The following TSPAN15 variants were observed in gnomAD, a reference collection of about 807,000 sequenced individuals.
TSPAN15 encodes tetraspanin 15.
TSPAN15 carries 20 observed loss-of-function variants against 34.5 expected under a neutral mutation model. That is an observed-to-expected ratio of 0.58 (90% CI 0.41 to 0.84). The LOEUF (loss-of-function observed/expected upper bound fraction) is 0.84, where lower values mean the gene tolerates loss of function less well. Ranked by LOEUF, TSPAN15 falls within the 40% of genes least tolerant of loss-of-function variation. The pLI, the probability that TSPAN15 is intolerant of heterozygous loss-of-function variation, is 0.00. For missense variants in TSPAN15, 313 were observed against 386.1 expected (o/e 0.81, Z 1.59); for synonymous variants, 155 against 153.9 (o/e 1.01, Z -0.05).
At chr10:69,508,976 C>G (rs949970242), downstream of TSPAN15, among the ~76,000 whole-genome samples, 1 of 152,250 alleles carries the variant, frequency 6.6e-6, no homozygotes, top group African/African-American at 2.4e-5. Context: ...TGTCTTGTCC[C>G]ACTTTGACCT....
chr10:69,502,202 T>C (rs75443337), intron 5 of TSPAN15, among the ~76,000 whole-genome samples: 1,937 of 152,324 alleles, frequency 0.013, 53 homozygotes, highest in African/African-American at 0.044. Flanking sequence ...AAATGTCTTA[T>C]ATGAGCTTCC....
chr10:69,492,584 A>G (rs1841991844), intron 3 of TSPAN15, among the ~76,000 whole-genome samples: 2 of 152,192 alleles, frequency 1.3e-5, no homozygotes, highest in African/African-American at 4.8e-5. Context: ...TTACCAGATG[A>G]AAGGCCGAAT....
intron 5 of TSPAN15, among the ~76,000 whole-genome samples, chr10:69,499,764 G>T (rs1433987240): frequency 6.6e-6 from 1 of 152,220 alleles, no homozygotes. Context: ...GAGAAAGGCG[G>T]GATCTGGGTG....
the TSPAN15 span, among the ~76,000 whole-genome samples, chr10:69,530,837 TATATA>T: frequency 8.4e-5 from 9 of 107,680 alleles, no homozygotes; most frequent in African/African-American, 3.1e-4. Flanking sequence ...TATATATATA[TATATA>T]TATATATATA....
At chr10:69,451,739 C>T in intron 1 of TSPAN15, 49 bp downstream of exon 1, 3 of 1,360,100 alleles carry the variant, frequency 2.2e-6, no homozygotes, top group Non-Finnish European at 1.9e-6. Context: ...ACCCACAATC[C>T]GGCCGCCCCC....
chr10:69,472,528 G>T (rs1841528600), intron 1 of TSPAN15, among the ~76,000 whole-genome samples: 1 of 152,184 alleles, frequency 6.6e-6, no homozygotes, highest in Non-Finnish European at 1.5e-5. Flanking sequence ...TATTCCAAAT[G>T]TCTGGTACAT....
the TSPAN15 span, among the ~76,000 whole-genome samples, chr10:69,530,710 G>C: frequency 7.1e-6 from 1 of 139,952 alleles, no homozygotes; most frequent in Non-Finnish European, 1.5e-5. Flanking sequence ...GGAGGCTGAG[G>C]CTGAAAATGA....
intron 2 of TSPAN15, among the ~76,000 whole-genome samples, chr10:69,484,770 C>T (rs1841814686): frequency 6.6e-6 from 1 of 152,188 alleles, no homozygotes; most frequent in South Asian, 2.1e-4. Flanking sequence ...GCTGGACATA[C>T]TGCCCCAGCC....
chr10:69,521,681 C>G, the TSPAN15 span, among the ~76,000 whole-genome samples: 1 of 147,840 alleles, frequency 6.8e-6, no homozygotes, highest in African/African-American at 2.5e-5. Context: ...GAGACATCAT[C>G]TTTTTCTGCA....
At chr10:69,523,931 G>T in the TSPAN15 span, among the ~76,000 whole-genome samples, 17 of 147,668 alleles carry the variant, frequency 1.2e-4, 3 homozygotes, top group Non-Finnish European at 2.4e-4. Flanking sequence ...GAAAGGGGAT[G>T]GGGTGAATGT....
Position 69,506,687 on chromosome 10 carries a change from G to A in TSPAN15, c.736-142G>A. Reference sequence around the variant, plus strand: ...TTGGGCAGTGTGGGTGCTGGGAGAAGTCTCTGCTGTGGGTGTTGCCCAGGT... The same window carrying A: ...TTGGGCAGTGTGGGTGCTGGGAGAAATCTCTGCTGTGGGTGTTGCCCAGGT... On this transcript the variant is annotated intron_variant, in intron 7 of 7. Coordinates refer to ENST00000373290, the MANE Select transcript of TSPAN15 (RefSeq NM_012339.5). The surrounding 1 kb of genome is among the most constrained non-coding windows in gnomAD (Gnocchi z 4.7). 1.2e-6 allele frequency: 1 copy of A among 804,666 alleles called. No homozygotes were observed. The highest frequency in any genetic ancestry group is 2.0e-6 in the Non-Finnish European group (1 of 507,024). The allele number at this position is 804,666 out of a possible 1,614,324, so 49.8% of individuals were successfully genotyped here.
intron 5 of TSPAN15, among the ~76,000 whole-genome samples, chr10:69,502,074 A>G (rs1014132236): frequency 4.6e-5 from 7 of 151,956 alleles, no homozygotes; most frequent in African/African-American, 1.7e-4. Flanking sequence ...TTTCCTGGCA[A>G]CCAAAAGGAA....
chr10:69,547,839 A>T, the TSPAN15 span, among the ~76,000 whole-genome samples: 2 of 152,198 alleles, frequency 1.3e-5, no homozygotes, highest in South Asian at 2.1e-4. Flanking sequence ...TGAAGAGTAG[A>T]TGGTAGATCT....
chr10:69,547,285 C>A, the TSPAN15 span, among the ~76,000 whole-genome samples: 1 of 152,118 alleles, frequency 6.6e-6, no homozygotes, highest in Non-Finnish European at 1.5e-5. Flanking sequence ...CCCTATACCC[C>A]ACTATAGGCA....
At chr10:69,526,635 T>TAAAAAAA in the TSPAN15 span, among the ~76,000 whole-genome samples, 1 of 146,480 alleles carries the variant, frequency 6.8e-6, no homozygotes, top group African/African-American at 2.5e-5. Flanking sequence ...TCTACAAAAA[T>TAAAAAAA]AAAAGTTAGC....
chr10:69,507,103 G>A lies in TSPAN15; in HGVS notation c.*125G>A, dbSNP rs1589657818. The A allele has an allele frequency of 6.7e-7, 1 of 1,485,384 alleles. No individual in the cohort carries two copies. The highest frequency in any genetic ancestry group is 1.3e-5 in the South Asian group (1 of 75,172). The allele number at this position is 1,485,384 out of a possible 1,614,324, so 92.0% of individuals were successfully genotyped here. On this transcript the variant is annotated 3_prime_UTR_variant, in exon 8 of 8. Transcript: ENST00000373290. ...CTCAGTACTGACCAAAGCCAGGGCT[G>A]TGTGTGCCTGTGTGTAGGTCCCACG...
the TSPAN15 span, among the ~76,000 whole-genome samples, chr10:69,539,518 AAGAAGAAGAAGAAGAAGAAGGAGAAGG>A: frequency 2.7e-4 from 30 of 111,064 alleles, 2 homozygotes; most frequent in South Asian, 6.0e-4. Context: ...GAAGAAGAAG[AAGAAGAAGAAGAAGAAGAAGGAGAAGG>A]AGAAGGAGAA....
At chr10:69,512,524 G>T (rs1029854493), downstream of TSPAN15, among the ~76,000 whole-genome samples, 1 of 152,138 alleles carries the variant, frequency 6.6e-6, no homozygotes, top group African/African-American at 2.4e-5. Flanking sequence ...TCAAGATAAT[G>T]AACATATCCA....
the TSPAN15 span, among the ~76,000 whole-genome samples, chr10:69,530,834 A>C: frequency 0.016 from 1,583 of 100,976 alleles, 9 homozygotes; most frequent in Middle Eastern, 0.028. Flanking sequence ...ATATATATAT[A>C]TATATATATA....
Sources: allele counts gnomAD v4.1 joint callset (sites outside exome capture counted in the v4.1 genomes callset), GRCh38; gene constraint gnomAD v4.1.1; non-coding constraint Gnocchi (gnomAD v3.1); transcripts MANE v1.5; gene names NCBI Gene and HGNC (gene_info 2026-07-23, HGNC 2026-07-21).